Variants in GIT1 observed in about 807,000 individuals in gnomAD.
The protein encoded by GIT1 is GIT ArfGAP 1.
Under a neutral mutation model 91.7 loss-of-function variants are expected in GIT1, and 14 were observed. The observed-to-expected ratio is 0.15, with a 90% confidence interval of 0.10 to 0.24. The LOEUF (loss-of-function observed/expected upper bound fraction) is 0.24. Among genes scored for constraint, GIT1 ranks in the 10% least tolerant of loss-of-function variants. The probability of loss-of-function intolerance (pLI) is 1.00; values close to 1 mark genes in which losing one functional copy is unlikely to be tolerated. For missense variants in GIT1, 717 were observed against 1,024.9 expected (o/e 0.70, Z 4.10); for synonymous variants, 414 against 418.2 (o/e 0.99, Z 0.12).
Position 29,581,830 on chromosome 17 carries a change from C to A in GIT1, c.630G>T (p.Ala210=). 1 of 1,612,602 alleles carries A rather than the reference C, an allele frequency of 6.2e-7. No individual in the cohort carries two copies. ...GRTPIDYARQ[A]GHHELAERLV... is the part of the protein sequence containing the mutation. ...GCCTTTCCGCCAGCTCATGGTGCCC[C>A]GCCTGCCTGTGAGGAGGGGGTATGG... Residue 210 remains alanine, a synonymous_variant, in exon 6 of 20, where the codon GCG becomes GCT. Transcript: ENST00000225394. This position sits in a 1 kb window ranked among gnomAD's most constrained non-coding sequence, Gnocchi z 4.8.
intron 2 of GIT1, among the ~76,000 whole-genome samples, 181 bp downstream of exon 2, chr17:29,583,302 C>A (rs139939470): frequency 6.6e-6 from 1 of 152,130 alleles, no homozygotes; most frequent in Non-Finnish European, 1.5e-5. Flanking sequence ...GTGAGCTACT[C>A]TTCTGCATGA....
intron 7 of GIT1, among the ~76,000 whole-genome samples, chr17:29,579,599 C>T (rs370524039): frequency 2.0e-5 from 3 of 151,960 alleles, no homozygotes; most frequent in African/African-American, 4.8e-5. Context: ...TAGCTGAGCA[C>T]GGTGGCATGT....
Position 29,574,863 on chromosome 17 carries a change from C to T in GIT1, c.2125G>A (p.Ala709Thr). The T allele has an allele frequency of 1.9e-6, 3 of 1,593,264 alleles. No individual in the cohort carries two copies. The highest frequency in any genetic ancestry group is 1.7e-6 in the Non-Finnish European group (2 of 1,172,622). Residue 709 changes from alanine to threonine, a missense_variant, in exon 20 of 20, where the codon GCC becomes ACC. Around this residue, in one of 3 missense-constraint regions of GIT1, gnomAD observed 134 missense variants for 223.8 expected, o/e 0.60. Transcript: ENST00000225394. Reference protein sequence around the residue: ...RSSLRLLNASAYRLQSECRKT... With the variant: ...RSSLRLLNASTYRLQSECRKT... ...CGGCACTCACTCTGCAGCCGGTAGG[C>T]GCTGGCGTTGAGCAGCCGCAGTGAG...
rs563309641 is a variant in GIT1 at position 29,576,369 on chromosome 17, C to T, written c.1462G>A (p.Ala488Thr). ...VPTPPLPSER[A>T]EHTPMAPGGS... ...CCTGGCGCCATGGGTGTGTGTTCCG[C>T]CCGTTCACTGGGGAGTGGAGGTGTG... Residue 488 changes from alanine to threonine, a missense_variant, in exon 14 of 20, where the codon GCG becomes ACG. This residue lies in a region of GIT1 where 312 missense variants were observed against 349.5 expected (regional missense o/e 0.89). Coordinates refer to ENST00000225394, the MANE Select transcript of GIT1 (RefSeq NM_014030.4). 37 of 1,613,506 alleles carry T rather than the reference C, an allele frequency of 2.3e-5. No individual in the cohort carries two copies. The African/African-American group carries it at 3.9e-4, about 17-fold the overall frequency.
At position 29,574,843 on chromosome 17, in the gene GIT1, C is replaced by T. The variant is rs766483401; in HGVS notation, c.2145G>A (p.Glu715=). 30 of 1,605,434 alleles carry T rather than the reference C, an allele frequency of 1.9e-5. No homozygotes were observed. The highest frequency in any genetic ancestry group is 2.2e-5 in the Non-Finnish European group (26 of 1,178,092). ...LNASAYRLQS[E]CRKTVPPEPG... ...GCTCTGGGGGCACTGTCTTCCGGCA[C>T]TCACTCTGCAGCCGGTAGGCGCTGG... The change falls in exon 20 of 20, where the codon GAG becomes GAA. Residue 715 remains glutamate (E), a synonymous_variant. Coordinates refer to ENST00000225394, the MANE Select transcript of GIT1 (RefSeq NM_014030.4).
intron 1 of GIT1, among the ~76,000 whole-genome samples, chr17:29,588,415 TG>T (rs1567778902): frequency 6.6e-6 from 1 of 152,182 alleles, no homozygotes; most frequent in Non-Finnish European, 1.5e-5. Context: ...TCAGCAGGCC[TG>T]GGGGGTTTCA....
intron 1 of GIT1, among the ~76,000 whole-genome samples, chr17:29,586,493 C>T (rs2150854031): frequency 6.6e-6 from 1 of 152,152 alleles, no homozygotes; most frequent in Non-Finnish European, 1.5e-5. Flanking sequence ...ATGTAAAAGC[C>T]CATCAGGATG....
intron 8 of GIT1, 101 bp downstream of exon 8, chr17:29,578,630 G>C (rs2033295752): frequency 2.7e-6 from 3 of 1,123,638 alleles, no homozygotes; most frequent in Non-Finnish European, 4.1e-6. Context: ...CAAAGACTTG[G>C]AAAAGGTCAT....
chr17:29,577,598 G>A lies in GIT1; in HGVS notation c.981+47C>T, dbSNP rs199816798. 8.0e-4 allele frequency: 971 copies of A among 1,217,258 alleles called. 3 individuals carry two copies. The Middle Eastern group carries it at 0.014, about 17-fold the overall frequency. 75.4% of individuals were successfully genotyped at this position (1,217,258 alleles called of 1,614,324 possible). A position where few individuals can be genotyped will look rare whatever the true frequency, so the allele number is the denominator to read the frequency against. The stretch of plus-strand genomic sequence containing the variant: ...GCCCACTGCCGGATGAGGAGGGACC[G>A]CGGGGATGAAGTAGACCACCCCAGG... On this transcript the variant is annotated intron_variant, in intron 10 of 19. Transcript: ENST00000225394.
intron 4 of GIT1, 24 bp downstream of exon 4, chr17:29,582,674 C>T (rs1352339501): frequency 1.4e-6 from 2 of 1,457,204 alleles, no homozygotes. Context: ...GGGGGCCACC[C>T]ATCTGTTGTA....
chr17:29,587,700 CT>C (rs1354886042), intron 1 of GIT1, among the ~76,000 whole-genome samples: 1 of 152,206 alleles, frequency 6.6e-6, no homozygotes, highest in Non-Finnish European at 1.5e-5. Context: ...ACTCCAACTT[CT>C]TTGCCTCTGA....
chr17:29,581,788 A>G lies in GIT1; in HGVS notation c.672T>C (p.Tyr224=), dbSNP rs1392005531. The change falls in exon 6 of 20, where the codon TAT becomes TAC. Residue 224 remains tyrosine (Y), a synonymous_variant. Coordinates refer to ENST00000225394, the MANE Select transcript of GIT1 (RefSeq NM_014030.4). The surrounding 1 kb of genome is among the most constrained non-coding windows in gnomAD (Gnocchi z 4.8). ...AGAAGGCCAGCCGGTCAGTGAGCTC[A>G]TATTGGCACTCAACCAGCCTTTCCG... ...ELAERLVECQ[Y]ELTDRLAFYL... 2 of 1,612,500 alleles carry G rather than the reference A, an allele frequency of 1.2e-6. No homozygotes were observed. Among genetic ancestry groups the G allele is most frequent in the Non-Finnish European group, 1.7e-6 (2 of 1,179,970 alleles).
Position 29,581,333 on chromosome 17 carries a change from C to T in GIT1, c.761+5G>A. On this transcript the variant is annotated splice_donor_5th_base_variant and intron_variant, in intron 7 of 19. Coordinates refer to ENST00000225394, the MANE Select transcript of GIT1 (RefSeq NM_014030.4). The surrounding 1 kb of genome is among the most constrained non-coding windows in gnomAD (Gnocchi z 4.8). The stretch of plus-strand genomic sequence containing the variant: ...TCTGGAAAGGGGCATCAGGTGGGCA[C>T]TCACCTGTCAGCCATCTGTGGGATG... 6.2e-7 allele frequency: 1 copy of T among 1,609,768 alleles called. No homozygotes were observed. The highest frequency in any genetic ancestry group is 8.5e-7 in the Non-Finnish European group (1 of 1,176,396).
At position 29,589,045 on chromosome 17, in the gene GIT1, G is replaced by A. The variant is rs1056873890; in HGVS notation, c.52+282C>T. 5.9e-5 allele frequency among the ~76,000 whole-genome samples: 9 copies of A among 152,190 alleles called. No homozygotes were observed. The highest frequency in any genetic ancestry group is 8.8e-5 in the Non-Finnish European group (6 of 68,016). ...CGTCGGATACAGAGATGGAGGTGGA[G>A]GAGCAGCCAGCTGCCCGCCTCCCTC... On this transcript the variant is annotated intron_variant, in intron 1 of 19. Coordinates refer to ENST00000225394, the MANE Select transcript of GIT1 (RefSeq NM_014030.4). This position sits in a 1 kb window ranked among gnomAD's most constrained non-coding sequence, Gnocchi z 5.2.
At chr17:29,579,171 C>A (rs973886661) in intron 7 of GIT1, 5 of 612,018 alleles carry the variant, frequency 8.2e-6, no homozygotes, top group Non-Finnish European at 1.5e-5. Flanking sequence ...GCTTGCTCTT[C>A]CTCTCAGTGA....
At chr17:29,578,884 C>T (rs572062622) in intron 7 of GIT1, 105 bp from the exon 8 acceptor site, 2 of 1,564,830 alleles carry the variant, frequency 1.3e-6, no homozygotes, top group East Asian at 2.2e-5. Flanking sequence ...GGGGAGATGG[C>T]ACCCCAGATG....
At position 29,578,336 on chromosome 17, in the gene GIT1, G is replaced by A. The variant is rs755163624; in HGVS notation, c.846C>T (p.Asp282=). ...CTCTTCGATCCACCTCGTCATACAC[G>A]TCCATGGCGAGTTCCTCAAAAAGCC... ...SNRLFEELAM[D]VYDEVDRREN... Residue 282 remains aspartate (D), a synonymous_variant, in exon 9 of 20, where the codon GAC becomes GAT. Coordinates refer to ENST00000225394, the MANE Select transcript of GIT1 (RefSeq NM_014030.4). 40 of 1,613,998 alleles carry A rather than the reference G, an allele frequency of 2.5e-5. No homozygotes were observed. The highest frequency in any genetic ancestry group is 5.3e-5 in the African/African-American group (4 of 74,934).
intron 1 of GIT1, among the ~76,000 whole-genome samples, chr17:29,585,020 C>T (rs1039549805): frequency 1.5e-5 from 2 of 136,070 alleles, no homozygotes; most frequent in African/African-American, 2.8e-5. Context: ...TGGAGTGCAG[C>T]GGGTTTAGGC....
In GIT1 at chr17:29,576,302, T is replaced by C; in HGVS notation, c.1529A>G (p.Tyr510Cys). ...GGGCTTCAGGGCAGAGCCAGGTTCA[T>C]ACATGGAAAAGGCCTGGCGATCCCT... ...HRRDRQAFSM[Y>C]EPGSALKPFG... The change falls in exon 14 of 20, where the codon TAT (tyrosine) becomes TGT (cysteine). Residue 510 changes from tyrosine (Y) to cysteine (C), a missense_variant. Around this residue, in one of 3 missense-constraint regions of GIT1, gnomAD observed 312 missense variants for 349.5 expected, o/e 0.89. Coordinates refer to ENST00000225394, the MANE Select transcript of GIT1 (RefSeq NM_014030.4). 6.2e-7 allele frequency: 1 copy of C among 1,612,894 alleles called. No individual in the cohort carries two copies. The highest frequency in any genetic ancestry group is 2.2e-5 in the East Asian group (1 of 44,862).
Sources: gnomAD v4.1 joint callset for allele counts (sites outside exome capture counted in the v4.1 genomes callset) on GRCh38, gnomAD v4.1.1 for gene constraint, gnomAD v4.1.1 regional missense constraint, Gnocchi (gnomAD v3.1) non-coding constraint, MANE v1.5 for transcripts, NCBI Gene and HGNC (gene_info 2026-07-23, HGNC 2026-07-21) for gene names.